EVPLL: variants seen among roughly 807,000 people sequenced by gnomAD.
EVPLL encodes envoplakin like.
In EVPLL, 39 loss-of-function variants were observed where a neutral mutation model predicts 46.2. The observed-to-expected ratio is 0.84, with a 90% confidence interval of 0.65 to 1.10. The LOEUF (loss-of-function observed/expected upper bound fraction) is 1.10. Among genes scored for constraint, EVPLL ranks in the 50% least tolerant of loss-of-function variants. The pLI is 0.00. For synonymous variants in EVPLL, 156 were observed against 165.8 expected, an observed-to-expected ratio of 0.94 and a Z score of 0.46; for missense variants, 385 against 412.6, an observed-to-expected ratio of 0.93 and a Z score of 0.58.
Position 18,380,877 on chromosome 17 carries a change from C to T in EVPLL, c.-36-25C>T. The T allele has an allele frequency of 1.9e-6, 3 of 1,548,244 alleles. No homozygotes were observed. The South Asian group carries it at 3.6e-5, about 18-fold the overall frequency. ...CAGAGGGGCCTCTTCCACCGAGCTG[C>T]CCACTGTCCCCTCCACCCACCAAGA... is the stretch of plus-strand genomic sequence containing the variant. On this transcript the variant is annotated intron_variant, in intron 1 of 10. Coordinates refer to ENST00000399134, the MANE Select transcript of EVPLL (RefSeq NM_001145127.2).
rs1245670992 is a variant in EVPLL at position 18,382,540 on chromosome 17, C to T, written c.374C>T (p.Ala125Val). Residue 125 changes from alanine (A) to valine (V), a missense_variant, in exon 5 of 11, where the codon GCC becomes GTC. Physicochemically the swap from Ala to Val is moderately conservative, Grantham distance 64. Coordinates refer to ENST00000399134, the MANE Select transcript of EVPLL (RefSeq NM_001145127.2). ...TEAGLRRPVW[A>V]GHGGAGGTDR... ...GCTGGTCTGCGCAGGCCAGTATGGGCCGGGCATGGCGGAGCTGGAGGAACA... is the reference window on the plus strand; with the variant it reads ...GCTGGTCTGCGCAGGCCAGTATGGGTCGGGCATGGCGGAGCTGGAGGAACA... 2.6e-6 allele frequency: 4 copies of T among 1,551,720 alleles called. No individual in the cohort carries two copies. The highest frequency in any genetic ancestry group is 1.7e-6 in the Non-Finnish European group (2 of 1,147,068).
At chr17:18,387,565 C>T (rs1321237934) in intron 9 of EVPLL, among the ~76,000 whole-genome samples, 5 of 149,248 alleles carry the variant, frequency 3.4e-5, no homozygotes, top group Non-Finnish European at 7.4e-5. Context: ...CCAAAGCAGC[C>T]CCAGACAAGA....
In EVPLL at chr17:18,383,101, C is replaced by A; in HGVS notation, c.588C>A (p.Ala196=). 1 of 1,550,370 alleles carries A rather than the reference C, an allele frequency of 6.5e-7. No individual in the cohort carries two copies. The highest frequency in any genetic ancestry group is 8.7e-7 in the Non-Finnish European group (1 of 1,154,380). The change falls in exon 7 of 11, where the codon GCC becomes GCA. Residue 196 remains alanine (A), a synonymous_variant. Coordinates refer to ENST00000399134, the MANE Select transcript of EVPLL (RefSeq NM_001145127.2). ...AGGGCTGCACGTGGCAGCTGAGCGC[C>A]CTGGCGGAGCAGCAGCGCCGCATCC... The part of the protein sequence containing the change: ...ALQGCTWQLS[A]LAEQQRRILQ...
intron 9 of EVPLL, 167 bp from the exon 10 acceptor site, chr17:18,388,052 G>GTA (rs945059430): frequency 2.3e-4 from 32 of 141,678 alleles, no homozygotes; most frequent in Non-Finnish European, 3.9e-4. Context: ...ACATATATAT[G>GTA]TATATATATA....
intron 8 of EVPLL, 27 bp from the exon 9 acceptor site, chr17:18,383,465 C>T: frequency 6.4e-7 from 1 of 1,551,034 alleles, no homozygotes; most frequent in Non-Finnish European, 8.7e-7. Context: ...GGGGCGTGGT[C>T]CGAGGGCTCC....
At chr17:18,385,162 C>T (rs1987729986) in intron 9 of EVPLL, among the ~76,000 whole-genome samples, 1 of 147,106 alleles carries the variant, frequency 6.8e-6, no homozygotes. Context: ...GCAATAAAGC[C>T]CTCGTGCCTG....
chr17:18,381,056 CCAT>C lies in EVPLL; in HGVS notation c.63+62_63+64del, dbSNP rs1987551470. 1.9e-6 allele frequency: 3 copies of C among 1,544,196 alleles called. No individual in the cohort carries two copies. Among genetic ancestry groups the C allele is most frequent in the Admixed American group, 3.9e-5 (2 of 51,040 alleles). On this transcript the variant is annotated intron_variant, in intron 2 of 10. Transcript: ENST00000399134. The surrounding 1 kb of genome is among the most constrained non-coding windows in gnomAD (Gnocchi z 4.2). ...GGGCAGGCTGGGTGGCATGGGAGGC[CCAT>C]CATCAGGCCTGGCACTCCCTGAGTG... is the stretch of plus-strand genomic sequence containing the variant.
chr17:18,382,606 C>G lies in EVPLL; in HGVS notation c.440C>G (p.Pro147Arg). Reference sequence around the variant, plus strand: ...CATCGTGCAGAAGGAGATCAACGACCAAGGAGAGCAGCTGCGGAGCCTGGT... The same window carrying G: ...CATCGTGCAGAAGGAGATCAACGACGAAGGAGAGCAGCTGCGGAGCCTGGT... ...AQHRAEGDQR[P>R]RRAAAEPGGA... Residue 147 changes from proline (P) to arginine (R), a missense_variant, in exon 5 of 11, where the codon CCA becomes CGA. Physicochemically the swap from Pro to Arg is moderately radical, Grantham distance 103 (BLOSUM62 -2). Transcript: ENST00000399134. 6.4e-7 allele frequency: 1 copy of G among 1,551,972 alleles called. No homozygotes were observed. The highest frequency in any genetic ancestry group is 2.0e-5 in the Admixed American group (1 of 51,014).
chr17:18,381,187 T>C lies in EVPLL; in HGVS notation c.64-180T>C. ...GGCTCAACTTCCTTCTTTGCTGGGC[T>C]CCCCTGTGTCTTTGTCACCTGCCTC... On this transcript the variant is annotated intron_variant, in intron 2 of 10. Coordinates refer to ENST00000399134, the MANE Select transcript of EVPLL (RefSeq NM_001145127.2). This position sits in a 1 kb window ranked among gnomAD's most constrained non-coding sequence, Gnocchi z 4.2. 8.2e-6 allele frequency: 10 copies of C among 1,216,196 alleles called. No individual in the cohort carries two copies. The highest frequency in any genetic ancestry group is 1.1e-5 in the Non-Finnish European group (10 of 884,114). The allele number at this position is 1,216,196 out of a possible 1,614,324, so 75.3% of individuals were successfully genotyped here.
Position 18,383,453 on chromosome 17 carries a change from G to T in EVPLL, c.781-39G>T, listed in dbSNP as rs778119400. 7 of 1,543,610 alleles carry T rather than the reference G, an allele frequency of 4.5e-6. No homozygotes were observed. In the African/African-American group the frequency reaches 8.2e-5, roughly 18 times the overall value. Reference sequence around the variant, plus strand: ...GGGGGGGGTGGACGTGGGTGCGGGGGCGGGGCGTGGTCCGAGGGCTCCGTG... The same window carrying T: ...GGGGGGGGTGGACGTGGGTGCGGGGTCGGGGCGTGGTCCGAGGGCTCCGTG... On this transcript the variant is annotated intron_variant, in intron 8 of 10. Transcript: ENST00000399134.
At chr17:18,382,676 C>A in intron 5 of EVPLL, 38 bp downstream of exon 5, 1 of 1,552,242 alleles carries the variant, frequency 6.4e-7, no homozygotes, top group South Asian at 1.2e-5. Context: ...CGGGGCCAGC[C>A]CCAGCCCCTG....
chr17:18,377,846 C>G lies in EVPLL; in HGVS notation c.-174C>G. The G allele has an allele frequency of 1.2e-6, 1 of 800,582 alleles. No individual in the cohort carries two copies. The highest frequency in any genetic ancestry group is 2.0e-6 in the Non-Finnish European group (1 of 504,536). The allele number at this position is 800,582 out of a possible 1,614,324, so 49.6% of individuals were successfully genotyped here. A position where few individuals can be genotyped will look rare whatever the true frequency, so the allele number is the denominator to read the frequency against. On this transcript the variant is annotated 5_prime_UTR_variant, in exon 1 of 11. Transcript: ENST00000399134. Reference sequence around the variant, plus strand: ...CACCTGCCCTCCTGCCCTCCTTCACCAGCCAAGCCCAGCCTGAGCCAGCAC... The same window carrying G: ...CACCTGCCCTCCTGCCCTCCTTCACGAGCCAAGCCCAGCCTGAGCCAGCAC...
rs565448110 is a variant in EVPLL at position 18,383,340 on chromosome 17, A to G, written c.742A>G (p.Met248Val). 5.9e-6 allele frequency: 9 copies of G among 1,530,902 alleles called. No homozygotes were observed. The African/African-American group carries it at 9.8e-5, about 17-fold the overall frequency. The allele number at this position is 1,530,902 out of a possible 1,614,324, so 94.8% of individuals were successfully genotyped here. Residue 248 changes from methionine to valine, a missense_variant, in exon 8 of 11, where the codon ATG becomes GTG. Met to Val is a conservative substitution (Grantham distance 21). Transcript: ENST00000399134. Reference protein sequence around the residue: ...VNQLEEDGKRMVELRHPAVGP... With the variant: ...VNQLEEDGKRVVELRHPAVGP... ...CCAGCTGGAGGAGGACGGCAAGCGC[A>G]TGGTGGAGCTGCGGCACCCCGCGGT... is the stretch of plus-strand genomic sequence containing the variant.
intron 1 of EVPLL, among the ~76,000 whole-genome samples, 172 bp downstream of exon 1, chr17:18,378,155 G>A (rs758590502): frequency 6.6e-6 from 1 of 152,358 alleles, no homozygotes; most frequent in Middle Eastern, 3.4e-3. Context: ...CTTGGGAGCC[G>A]CAGGCCCAGG....
intron 1 of EVPLL, among the ~76,000 whole-genome samples, 171 bp downstream of exon 1, chr17:18,378,154 C>T (rs1987442906): frequency 6.6e-6 from 1 of 152,226 alleles, no homozygotes; most frequent in South Asian, 2.1e-4. Flanking sequence ...CCTTGGGAGC[C>T]GCAGGCCCAG....
At chr17:18,382,692 C>G (rs1446975735) in intron 5 of EVPLL, 54 bp downstream of exon 5, 10 of 1,552,760 alleles carry the variant, frequency 6.4e-6, no homozygotes, top group Non-Finnish European at 7.8e-6. Context: ...CCCTGTTTTT[C>G]CAGTCAGAGC....
chr17:18,381,150 G>C lies in EVPLL; in HGVS notation c.63+150G>C. On this transcript the variant is annotated intron_variant, in intron 2 of 10. Transcript: ENST00000399134. The surrounding 1 kb of genome is among the most constrained non-coding windows in gnomAD (Gnocchi z 4.2). Reference sequence around the variant, plus strand: ...CTGCACCGCCTGTCCCCTAACACACGGTGGGAGAGAGGGCTCAACTTCCTT... The same window carrying C: ...CTGCACCGCCTGTCCCCTAACACACCGTGGGAGAGAGGGCTCAACTTCCTT... 1 of 1,198,134 alleles carries C rather than the reference G, an allele frequency of 8.3e-7. No individual in the cohort carries two copies. Among genetic ancestry groups the C allele is most frequent in the Non-Finnish European group, 1.2e-6 (1 of 856,776 alleles). 74.2% of individuals were successfully genotyped at this position (1,198,134 alleles called of 1,614,324 possible).
chr17:18,384,435 T>TAA (rs58278336), intron 9 of EVPLL, among the ~76,000 whole-genome samples: 43 of 133,766 alleles, frequency 3.2e-4, no homozygotes, highest in African/African-American at 6.0e-4. Flanking sequence ...GACTCTGTCT[T>TAA]AAAAAAAAAA....
Position 18,381,486 on chromosome 17 carries a change from G to T in EVPLL, c.183G>T (p.Arg61=). ...DLFLDVDKAR[R]LKHPQAEETE... is the part of the protein sequence containing the mutation. The stretch of plus-strand genomic sequence containing the variant: ...TCCTGGACGTGGACAAGGCCCGGCG[G>T]CTCAAGCACCCGCAGGCTGAGGAGA... Residue 61 remains arginine, a synonymous_variant, in exon 3 of 11, where the codon CGG becomes CGT. Coordinates refer to ENST00000399134, the MANE Select transcript of EVPLL (RefSeq NM_001145127.2). This position sits in a 1 kb window ranked among gnomAD's most constrained non-coding sequence, Gnocchi z 4.2. The T allele has an allele frequency of 6.2e-7, 1 of 1,613,912 alleles. No homozygotes were observed. The highest frequency in any genetic ancestry group is 8.5e-7 in the Non-Finnish European group (1 of 1,179,972).
Sources: allele counts gnomAD v4.1 joint callset (sites outside exome capture counted in the v4.1 genomes callset), GRCh38; gene constraint gnomAD v4.1.1; non-coding constraint Gnocchi (gnomAD v3.1); transcripts MANE v1.5; gene names NCBI Gene and HGNC (gene_info 2026-07-23, HGNC 2026-07-21).